SLC35F4: variants seen among roughly 807,000 people sequenced by gnomAD.
The protein encoded by SLC35F4 is solute carrier family 35 member F4.
SLC35F4 carries 24 observed loss-of-function variants against 44.2 expected under a neutral mutation model. The observed-to-expected ratio is 0.54, with a 90% CI of 0.39 to 0.76. The LOEUF is 0.76. Ranked by LOEUF, SLC35F4 falls within the 30% of genes least tolerant of loss-of-function variation. The pLI, the probability that SLC35F4 is intolerant of heterozygous loss-of-function variation, is 0.00. For synonymous variants in SLC35F4, 238 were observed against 223.6 expected, an observed-to-expected ratio of 1.06 and a Z score of -0.57; for missense variants, 562 against 586.1, an observed-to-expected ratio of 0.96 and a Z score of 0.42.
chr14:57,860,131 T>C (rs1887555996), intron 1 of SLC35F4, among the ~76,000 whole-genome samples: 1 of 152,080 alleles, frequency 6.6e-6, no homozygotes, highest in Non-Finnish European at 1.5e-5. Context: ...TGCTAAGTCA[T>C]AGCAGCCGTC....
chr14:57,834,932 G>A (rs1042296447), intron 1 of SLC35F4, among the ~76,000 whole-genome samples: 1 of 152,236 alleles, frequency 6.6e-6, no homozygotes, highest in Non-Finnish European at 1.5e-5. Context: ...AGGAGGCTGA[G>A]GCAGGAGAAT....
intron 1 of SLC35F4, among the ~76,000 whole-genome samples, chr14:57,803,582 C>CTTTTT (rs532690276): frequency 1.1e-3 from 85 of 79,376 alleles, no homozygotes; most frequent in Non-Finnish European, 1.3e-3. Flanking sequence ...AAAGCTTCTT[C>CTTTTT]TTTTTTTTTT....
intron 1 of SLC35F4, among the ~76,000 whole-genome samples, chr14:57,939,222 A>G (rs1302292350): frequency 6.6e-6 from 1 of 152,148 alleles, no homozygotes; most frequent in East Asian, 1.9e-4. Context: ...CTGGCGTGGA[A>G]GGGATTCAGG....
intron 1 of SLC35F4, among the ~76,000 whole-genome samples, chr14:57,836,031 C>T (rs551717551): frequency 4.6e-5 from 7 of 152,226 alleles, no homozygotes; most frequent in East Asian, 3.9e-4. Context: ...TAGGAACTAC[C>T]GGTGACCTGG....
chr14:57,705,995 G>A lies in SLC35F4; in HGVS notation c.104-111871C>T, dbSNP rs755221209. Among the ~76,000 whole-genome samples the A allele has an allele frequency of 1.9e-4, 29 of 152,108 alleles. 1 individual carries two copies. Among genetic ancestry groups the A allele is most frequent in the Admixed American group, 1.1e-3 (17 of 15,264 alleles). ...AATCCTGTGTTTCCTCCAAAAGAAG[G>A]CACCTTTAACTAAAGAAAGCATCTC... On this transcript the variant is annotated intron_variant, in intron 1 of 7. Coordinates refer to ENST00000556826, the MANE Select transcript of SLC35F4 (RefSeq NM_001306087.2).
intron 1 of SLC35F4, among the ~76,000 whole-genome samples, chr14:57,657,590 AC>A (rs2074007070): frequency 6.6e-6 from 1 of 151,852 alleles, no homozygotes; most frequent in African/African-American, 2.4e-5. Context: ...GCTTTTCTCC[AC>A]TGTGCCACAA....
Position 57,851,883 on chromosome 14 carries a change from T to C in SLC35F4, c.103+13840A>G, listed in dbSNP as rs201061801. The stretch of plus-strand genomic sequence containing the variant: ...TGAGTGAGGGGTTACGGGAACTCTC[T>C]GTATTATCATTGCAACTTTTCTGAA... On this transcript the variant is annotated intron_variant, in intron 1 of 7. Coordinates refer to ENST00000556826, the MANE Select transcript of SLC35F4 (RefSeq NM_001306087.2). Among the ~76,000 whole-genome samples, 7 of 152,360 alleles carry C rather than the reference T, an allele frequency of 4.6e-5. No individual in the cohort carries two copies. The East Asian group carries it at 1.3e-3, about 29-fold the overall frequency.
At chr14:57,694,366 C>A (rs546370135) in intron 1 of SLC35F4, among the ~76,000 whole-genome samples, 23 of 152,214 alleles carry the variant, frequency 1.5e-4, no homozygotes, top group Non-Finnish European at 2.4e-4. Flanking sequence ...GTTGTACATC[C>A]TTTACATAAA....
At chr14:57,620,968 G>A (rs529978964) in intron 1 of SLC35F4, among the ~76,000 whole-genome samples, 1 of 152,028 alleles carries the variant, frequency 6.6e-6, no homozygotes, top group East Asian at 1.9e-4. Context: ...CTTCAGCAAA[G>A]TCTCAGGATA....
In SLC35F4 at chr14:57,823,465, T is replaced by C. The variant is rs1171456638; in HGVS notation, c.103+42258A>G. 2.0e-5 allele frequency among the ~76,000 whole-genome samples: 3 copies of C among 152,346 alleles called. No homozygotes were observed. The East Asian group carries it at 5.8e-4, about 29-fold the overall frequency. ...AGGGTTAGTATTACAACATAGCATA[T>C]TTGAATCACGCTCCAGGGGAGTGGC... is the stretch of plus-strand genomic sequence containing the variant. On this transcript the variant is annotated intron_variant, in intron 1 of 7. Transcript: ENST00000556826.
chr14:57,613,356 G>A (rs1453425815), intron 1 of SLC35F4, among the ~76,000 whole-genome samples: 1 of 152,114 alleles, frequency 6.6e-6, no homozygotes, highest in Non-Finnish European at 1.5e-5. Flanking sequence ...ATTGATAAAG[G>A]AGAAGTCTTA....
At chr14:57,938,877 C>T (rs1050233480) in intron 1 of SLC35F4, among the ~76,000 whole-genome samples, 7 of 152,180 alleles carry the variant, frequency 4.6e-5, no homozygotes, top group Non-Finnish European at 1.0e-4. Context: ...GAGATATATT[C>T]AGCTTCTGAC....
intron 1 of SLC35F4, among the ~76,000 whole-genome samples, chr14:57,695,361 C>G (rs184697257): frequency 0.14 from 20,208 of 148,014 alleles, 1,597 homozygotes; most frequent in East Asian, 0.27. Flanking sequence ...GTGGGCGAAG[C>G]ACATGAACAG....
At chr14:57,834,464 T>G (rs1884701516) in intron 1 of SLC35F4, among the ~76,000 whole-genome samples, 1 of 152,184 alleles carries the variant, frequency 6.6e-6, no homozygotes, top group South Asian at 2.1e-4. Context: ...AATCATGCAT[T>G]CCTTAGTTTG....
chr14:57,705,424 C>T (rs1259212694), intron 1 of SLC35F4, among the ~76,000 whole-genome samples: 1 of 152,214 alleles, frequency 6.6e-6, no homozygotes, highest in African/African-American at 2.4e-5. Flanking sequence ...CTCCACCTTA[C>T]TCCACTTATT....
intron 1 of SLC35F4, among the ~76,000 whole-genome samples, chr14:57,756,762 C>G (rs2077002977): frequency 6.6e-6 from 1 of 152,034 alleles, no homozygotes; most frequent in Non-Finnish European, 1.5e-5. Flanking sequence ...TCAAGCAACC[C>G]TCCCATCTTG....
intron 1 of SLC35F4, among the ~76,000 whole-genome samples, chr14:57,641,890 A>G (rs892092917): frequency 6.6e-6 from 1 of 152,050 alleles, no homozygotes; most frequent in African/African-American, 2.4e-5. Context: ...AGTAACTTCT[A>G]GGCTTACAAG....
intron 1 of SLC35F4, among the ~76,000 whole-genome samples, chr14:57,595,144 C>T (rs1475855735): frequency 6.6e-6 from 1 of 152,150 alleles, no homozygotes; most frequent in Non-Finnish European, 1.5e-5. Context: ...TCCCTTTATC[C>T]ACCTATGGTC....
intron 1 of SLC35F4, among the ~76,000 whole-genome samples, chr14:57,797,357 G>A (rs1458401829): frequency 6.6e-6 from 1 of 152,192 alleles, no homozygotes; most frequent in Admixed American, 6.5e-5. Context: ...CTCCTGGGAA[G>A]TAGCATTGGG....
Sources: gnomAD v4.1 joint callset for allele counts (sites outside exome capture counted in the v4.1 genomes callset) on GRCh38, gnomAD v4.1.1 for gene constraint, MANE v1.5 for transcripts, NCBI Gene and HGNC (gene_info 2026-07-23, HGNC 2026-07-21) for gene names.